SSBP2: variants seen among roughly 807,000 people sequenced by gnomAD.
SSBP2 encodes single-stranded DNA-binding protein 2.
Under a neutral mutation model 61.8 loss-of-function variants are expected in SSBP2, and 17 were observed. The ratio of observed to expected loss-of-function variants is 0.28; its 90% CI spans 0.19 to 0.41. The LOEUF is 0.41. Ranked by LOEUF, SSBP2 falls within the 10% of genes least tolerant of loss-of-function variation. The pLI is 1.00. For missense variants in SSBP2, 310 were observed against 458.7 expected, an observed-to-expected ratio of 0.68 and a Z score of 2.96; for synonymous variants, 139 against 141.3, an observed-to-expected ratio of 0.98 and a Z score of 0.12.
chr5:81,464,121 A>G (rs187073617), intron 9 of SSBP2, among the ~76,000 whole-genome samples: 2 of 152,224 alleles, frequency 1.3e-5, no homozygotes, highest in Admixed American at 6.5e-5. Context: ...CAAAATAATA[A>G]CTACACAAAC....
intron 4 of SSBP2, among the ~76,000 whole-genome samples, chr5:81,555,164 ATAAAG>A (rs546398439): frequency 7.4e-4 from 112 of 152,226 alleles, no homozygotes; most frequent in African/African-American, 2.6e-3. Context: ...CACTTCTATA[ATAAAG>A]TACAGACTTT....
At chr5:81,683,435 AAAAT>A (rs1395205626) in intron 1 of SSBP2, among the ~76,000 whole-genome samples, 1 of 152,190 alleles carries the variant, frequency 6.6e-6, no homozygotes, top group Non-Finnish European at 1.5e-5. Context: ...GATGTGCAAC[AAAAT>A]AAATCTAGAC....
In SSBP2 at chr5:81,738,320, CTATT is replaced by C. The variant is rs1292977586; in HGVS notation, c.62+12657_62+12660del. On this transcript the variant is annotated intron_variant, in intron 1 of 16. Transcript: ENST00000320672. ...GTATGAATGTCAGATTTCAATAACGCTATTTTTTTAAAGAGAGAAATAATAAACT... is the reference window on the plus strand; with the variant it reads ...GTATGAATGTCAGATTTCAATAACGCTTTTTAAAGAGAGAAATAATAAACT... Among the ~76,000 whole-genome samples the C allele has an allele frequency of 1.5e-4, 23 of 152,238 alleles. 1 individual carries two copies. In the East Asian group the frequency reaches 4.2e-3, roughly 28 times the overall value.
chr5:81,489,651 G>A (rs1028719757), intron 5 of SSBP2, among the ~76,000 whole-genome samples: 2 of 152,116 alleles, frequency 1.3e-5, no homozygotes, highest in Non-Finnish European at 2.9e-5. Flanking sequence ...AAGGACCTCT[G>A]GAGGCAGCTT....
At chr5:81,526,623 A>T (rs1769961494) in intron 4 of SSBP2, among the ~76,000 whole-genome samples, 1 of 152,054 alleles carries the variant, frequency 6.6e-6, no homozygotes, top group Non-Finnish European at 1.5e-5. Flanking sequence ...AAAATGATAT[A>T]ATTGAGATGT....
chr5:81,488,085 T>C (rs76647003), intron 6 of SSBP2, among the ~76,000 whole-genome samples: 4,116 of 126,424 alleles, frequency 0.033, 266 homozygotes, highest in African/African-American at 0.1. Context: ...ATTATATATA[T>C]ACACACACAC....
At chr5:81,451,908 C>T (rs1395759632) in intron 10 of SSBP2, among the ~76,000 whole-genome samples, 2 of 152,160 alleles carry the variant, frequency 1.3e-5, no homozygotes, top group Non-Finnish European at 2.9e-5. Flanking sequence ...TCTTTGATGT[C>T]TTTATTAAAA....
chr5:81,640,122 G>A (rs534596825), intron 2 of SSBP2, among the ~76,000 whole-genome samples: 3 of 152,322 alleles, frequency 2.0e-5, no homozygotes, highest in African/African-American at 7.2e-5. Context: ...GGCAAAGGCA[G>A]GTGGATCACC....
chr5:81,593,867 G>C (rs1274657983), intron 4 of SSBP2, among the ~76,000 whole-genome samples: 1 of 152,180 alleles, frequency 6.6e-6, no homozygotes, highest in African/African-American at 2.4e-5. Context: ...GGAACAACTG[G>C]TACCAGCCAC....
rs981067862 is a variant in SSBP2 at position 81,714,791 on chromosome 5, T to G, written c.62+36190A>C. On this transcript the variant is annotated intron_variant, in intron 1 of 16. Coordinates refer to ENST00000320672, the MANE Select transcript of SSBP2 (RefSeq NM_012446.5). ...TTAAGTTCTTTGTAGATTCTGGATA[T>G]TAGCGCTTTGTCAGATGGATAGATT... Among the ~76,000 whole-genome samples, 7 of 152,352 alleles carry G rather than the reference T, an allele frequency of 4.6e-5. No individual in the cohort carries two copies. In the South Asian group the frequency reaches 8.3e-4, roughly 18 times the overall value.
intron 15 of SSBP2, among the ~76,000 whole-genome samples, chr5:81,436,922 T>C (rs1762708556): frequency 6.6e-6 from 1 of 152,156 alleles, no homozygotes; most frequent in African/African-American, 2.4e-5. Flanking sequence ...ATAATTTTCC[T>C]CTAATCACTT....
chr5:81,545,320 T>G (rs1771648900), intron 4 of SSBP2, among the ~76,000 whole-genome samples: 3 of 152,170 alleles, frequency 2.0e-5, no homozygotes, highest in Admixed American at 1.3e-4. Flanking sequence ...TGACATAAGG[T>G]AAGAAATAAA....
Position 81,446,871 on chromosome 5 carries a change from C to T in SSBP2, c.775G>A (p.Ala259Thr), listed in dbSNP as rs1314141774. ...GTGGCTAGTTTGATTACAATACCTG[C>T]TGGACTAGGCATGATGGGTGTTCCT... is the stretch of plus-strand genomic sequence containing the variant. The change falls in exon 12 of 17, where the codon GCA (alanine) becomes ACA (threonine). Residue 259 changes from alanine to threonine, a missense_variant. By Grantham distance (58) the Ala-to-Thr change is moderately conservative (BLOSUM62 0). This residue lies in a region of SSBP2 where 209 missense variants were observed against 286.4 expected (regional missense o/e 0.73). Coordinates refer to ENST00000320672, the MANE Select transcript of SSBP2 (RefSeq NM_012446.5). The T allele has an allele frequency of 3.7e-6, 6 of 1,608,238 alleles. No homozygotes were observed. Among genetic ancestry groups the T allele is most frequent in the African/African-American group, 2.7e-5 (2 of 74,622 alleles).
intron 1 of SSBP2, among the ~76,000 whole-genome samples, chr5:81,688,900 G>A (rs1753012253): frequency 6.6e-6 from 1 of 152,078 alleles, no homozygotes; most frequent in Admixed American, 6.6e-5. Flanking sequence ...GACCAATAAT[G>A]GAGAGATGGA....
At chr5:81,523,506 C>T (rs1401951627) in intron 4 of SSBP2, among the ~76,000 whole-genome samples, 1 of 152,032 alleles carries the variant, frequency 6.6e-6, no homozygotes, top group Non-Finnish European at 1.5e-5. Flanking sequence ...CTAAGACGTA[C>T]TGATTCATTA....
intron 6 of SSBP2, among the ~76,000 whole-genome samples, chr5:81,487,724 C>G (rs2154048445): frequency 6.6e-6 from 1 of 151,474 alleles, no homozygotes; most frequent in Middle Eastern, 3.4e-3. Flanking sequence ...CAAATTATAA[C>G]ACATCCATTA....
intron 5 of SSBP2, among the ~76,000 whole-genome samples, chr5:81,496,976 G>A (rs1272378882): frequency 6.6e-6 from 1 of 152,156 alleles, no homozygotes; most frequent in Non-Finnish European, 1.5e-5. Flanking sequence ...ACTTAATGTG[G>A]AGTTCTTTAG....
At chr5:81,742,633 TG>T (rs1261877069) in intron 1 of SSBP2, among the ~76,000 whole-genome samples, 2 of 152,066 alleles carry the variant, frequency 1.3e-5, no homozygotes, top group Non-Finnish European at 2.9e-5. Context: ...CCTAGCACTT[TG>T]GGAGGCTGAG....
chr5:81,688,792 C>T (rs1259915442), intron 1 of SSBP2, among the ~76,000 whole-genome samples: 4 of 152,022 alleles, frequency 2.6e-5, no homozygotes, highest in Admixed American at 6.6e-5. Context: ...GATTACAATG[C>T]CTAACTCTTC....
Sources: allele counts gnomAD v4.1 joint callset (sites outside exome capture counted in the v4.1 genomes callset), GRCh38; gene constraint gnomAD v4.1.1; regional missense constraint gnomAD v4.1.1; transcripts MANE v1.5; gene names NCBI Gene and HGNC (gene_info 2026-07-23, HGNC 2026-07-21).